ADGRL2: variants seen among roughly 807,000 people sequenced by gnomAD.
The protein encoded by ADGRL2 is adhesion G protein-coupled receptor L2.
Under a neutral mutation model 157.4 loss-of-function variants are expected in ADGRL2, and 44 were observed. The ratio of observed to expected loss-of-function variants is 0.28; its 90% confidence interval spans 0.22 to 0.36. The LOEUF is 0.36. ADGRL2 is among the 10% of genes least tolerant of loss of function. The pLI is 1.00. For missense variants in ADGRL2, 1,510 were observed against 1,768.9 expected (o/e 0.85, Z 2.63); for synonymous variants, 585 against 624.7 (o/e 0.94, Z 0.95).
At position 81,756,028 on chromosome 1, in the gene ADGRL2, T is replaced by C. The variant is rs2085678695; in HGVS notation, c.-142-5783T>C. 1.3e-5 allele frequency among the ~76,000 whole-genome samples: 2 copies of C among 152,268 alleles called. 1 individual carries two copies. The highest frequency in any genetic ancestry group is 4.1e-4 in the South Asian group (2 of 4,832). The stretch of plus-strand genomic sequence containing the variant: ...GTTTAAGAAACATTTCTTTAAAATA[T>C]CCTTTAATCTAAACCAAACAAAATC... On this transcript the variant is annotated intron_variant, in intron 1 of 20. Transcript: ENST00000359929.
intron 1 of ADGRL2, among the ~76,000 whole-genome samples, chr1:81,349,631 TACACACACACACACACAC>T (rs36213279): frequency 7.0e-6 from 1 of 142,748 alleles, no homozygotes; most frequent in Non-Finnish European, 1.5e-5. Flanking sequence ...TGTTGTGAGC[TACACACACACACACACAC>T]ACACACACAC....
chr1:81,560,530 A>G (rs2080416013), intron 2 of ADGRL2, among the ~76,000 whole-genome samples: 1 of 152,190 alleles, frequency 6.6e-6, no homozygotes, highest in Admixed American at 6.5e-5. Flanking sequence ...GACTAAACAC[A>G]CAATTTTGCA....
At chr1:81,980,917 CT>C (rs2149439183) in intron 18 of ADGRL2, 1 of 584,320 alleles carries the variant, frequency 1.7e-6, no homozygotes, top group East Asian at 2.8e-5. Flanking sequence ...ATGAATTGCC[CT>C]TAATTTTTAT....
At chr1:81,706,968 A>C (rs142148342) in intron 1 of ADGRL2, among the ~76,000 whole-genome samples, 325 of 152,284 alleles carry the variant, frequency 2.1e-3, no homozygotes, top group African/African-American at 7.3e-3. Context: ...ACAAAAGCAA[A>C]GCATTAAGCT....
chr1:81,483,041 T>G (rs1466863771), intron 2 of ADGRL2, among the ~76,000 whole-genome samples: 1 of 152,112 alleles, frequency 6.6e-6, no homozygotes, highest in Non-Finnish European at 1.5e-5. Flanking sequence ...CTAAACATGC[T>G]ATAGAAAGTT....
chr1:81,363,903 G>A (rs1357558654), intron 1 of ADGRL2, among the ~76,000 whole-genome samples: 1 of 152,134 alleles, frequency 6.6e-6, no homozygotes, highest in Non-Finnish European at 1.5e-5. Flanking sequence ...AGGCCCTTCT[G>A]TAAATATCTA....
intron 1 of ADGRL2, among the ~76,000 whole-genome samples, chr1:81,419,734 AG>A (rs2101530450): frequency 6.6e-6 from 1 of 152,314 alleles, no homozygotes; most frequent in East Asian, 1.9e-4. Context: ...AAATTCCTTG[AG>A]GAGAAGTCTG....
chr1:81,893,419 A>T (rs996327952), intron 2 of ADGRL2, among the ~76,000 whole-genome samples: 1 of 152,156 alleles, frequency 6.6e-6, no homozygotes, highest in African/African-American at 2.4e-5. Flanking sequence ...TTGTAAGGGG[A>T]ATAAACATTT....
At chr1:81,874,605 CTTGTTTGTCT>C (rs538720732) in intron 2 of ADGRL2, among the ~76,000 whole-genome samples, 2 of 145,244 alleles carry the variant, frequency 1.4e-5, no homozygotes, top group Non-Finnish European at 3.0e-5. Context: ...CTTGTCTTGT[CTTGTTTGTCT>C]TGTCTTGTCT....
intron 2 of ADGRL2, among the ~76,000 whole-genome samples, chr1:81,562,480 T>C (rs1221973514): frequency 6.7e-6 from 1 of 150,246 alleles, no homozygotes; most frequent in Non-Finnish European, 1.5e-5. Context: ...TGCAAACTTT[T>C]TTATGTGTCA....
chr1:81,819,879 T>G (rs1438629871), intron 1 of ADGRL2, among the ~76,000 whole-genome samples: 1 of 152,184 alleles, frequency 6.6e-6, no homozygotes, highest in East Asian at 1.9e-4. Context: ...TTCAGAAAGC[T>G]TAGGGATATC....
intron 3 of ADGRL2, among the ~76,000 whole-genome samples, chr1:81,639,010 A>G (rs1177738593): frequency 6.6e-6 from 1 of 152,184 alleles, no homozygotes; most frequent in Non-Finnish European, 1.5e-5. Context: ...CAAAAAGAAA[A>G]GAAAAGCAGC....
intron 2 of ADGRL2, among the ~76,000 whole-genome samples, chr1:81,861,100 T>A (rs1406488916): frequency 7.1e-6 from 1 of 141,104 alleles, no homozygotes. Flanking sequence ...CACTGCAACC[T>A]CCACCTACCG....
chr1:81,364,007 T>C (rs141301970), intron 1 of ADGRL2, among the ~76,000 whole-genome samples: 24 of 152,316 alleles, frequency 1.6e-4, no homozygotes, highest in Non-Finnish European at 2.5e-4. Flanking sequence ...TTTAATATTG[T>C]TGAAATTCTT....
intron 3 of ADGRL2, among the ~76,000 whole-genome samples, chr1:81,661,368 C>T (rs142148638): frequency 6.6e-6 from 1 of 152,128 alleles, no homozygotes; most frequent in Non-Finnish European, 1.5e-5. Flanking sequence ...AATCATTACA[C>T]GTTTTTGGTT....
At chr1:81,793,628 A>G (rs1219616162) in intron 2 of ADGRL2, among the ~76,000 whole-genome samples, 1 of 152,078 alleles carries the variant, frequency 6.6e-6, no homozygotes, top group Non-Finnish European at 1.5e-5. Context: ...TTCTTAAGGA[A>G]AGACAGTTTT....
chr1:81,326,872 T>C (rs1660939284), intron 1 of ADGRL2, among the ~76,000 whole-genome samples: 1 of 152,212 alleles, frequency 6.6e-6, no homozygotes, highest in Non-Finnish European at 1.5e-5. Flanking sequence ...GATAAACTGA[T>C]CGATTTCATC....
chr1:81,341,376 G>T (rs1281635558), intron 1 of ADGRL2, among the ~76,000 whole-genome samples: 1 of 151,902 alleles, frequency 6.6e-6, no homozygotes, highest in Non-Finnish European at 1.5e-5. Flanking sequence ...CATCTCTGTG[G>T]CCTCTTCAAA....
chr1:81,812,722 A>G (rs756288929), intron 1 of ADGRL2, among the ~76,000 whole-genome samples: 30 of 151,792 alleles, frequency 2.0e-4, no homozygotes, highest in Non-Finnish European at 3.8e-4. Flanking sequence ...AATAGACCAG[A>G]TTAGATGAGT....
Sources: gnomAD v4.1 joint callset for allele counts (sites outside exome capture counted in the v4.1 genomes callset) on GRCh38, gnomAD v4.1.1 for gene constraint, MANE v1.5 for transcripts, NCBI Gene and HGNC (gene_info 2026-07-23, HGNC 2026-07-21) for gene names.